DDI2: variants seen among roughly 807,000 people sequenced by gnomAD.
The protein encoded by DDI2 is protein DDI1 homolog 2.
In DDI2, 5 loss-of-function variants were observed where a neutral mutation model predicts 48.1. The ratio of observed to expected loss-of-function variants is 0.10; its 90% CI spans 0.05 to 0.22. The LOEUF (loss-of-function observed/expected upper bound fraction) is 0.22, where lower values mean the gene tolerates loss of function less well. Among genes scored for constraint, DDI2 ranks in the 10% least tolerant of loss-of-function variants. DDI2 has a pLI of 1.00. For synonymous variants in DDI2, 205 were observed against 183.6 expected (o/e 1.12, Z -0.94); for missense variants, 285 against 506.2 (o/e 0.56, Z 4.19).
chr1:15,648,972 C>G (rs1235299412), intron 6 of DDI2, among the ~76,000 whole-genome samples: 1 of 152,006 alleles, frequency 6.6e-6, no homozygotes, highest in Non-Finnish European at 1.5e-5. Context: ...GTGGCTCACT[C>G]TTGTAATCCC....
At chr1:15,626,015 A>T (rs538154362) in intron 1 of DDI2, among the ~76,000 whole-genome samples, 5 of 152,238 alleles carry the variant, frequency 3.3e-5, no homozygotes, top group Non-Finnish European at 5.9e-5. Flanking sequence ...AGATTATTTC[A>T]AAGTGCACAC....
At chr1:15,633,598 A>G in intron 4 of DDI2, 33 bp downstream of exon 4, 1 of 1,602,674 alleles carries the variant, frequency 6.2e-7, no homozygotes, top group Non-Finnish European at 8.5e-7. Context: ...AACAAAACTT[A>G]GAGACTCCAG....
At chr1:15,646,090 C>G (rs569494302) in intron 6 of DDI2, among the ~76,000 whole-genome samples, 12 of 152,308 alleles carry the variant, frequency 7.9e-5, no homozygotes, top group Non-Finnish European at 1.8e-4. Context: ...AAGAGTGCCT[C>G]TGTTTCACCC....
At chr1:15,658,130 C>G (rs567809197) in intron 9 of DDI2, among the ~76,000 whole-genome samples, 1 of 151,992 alleles carries the variant, frequency 6.6e-6, no homozygotes, top group Admixed American at 6.6e-5. Flanking sequence ...TGTTACTGAC[C>G]TTTTGATTTT....
At position 15,660,699 on chromosome 1, in the gene DDI2, A is replaced by G. The variant is rs1640356774; in HGVS notation, c.*909A>G. The G allele has an allele frequency of 6.2e-7, 1 of 1,614,038 alleles. No individual in the cohort carries two copies. Among genetic ancestry groups the G allele is most frequent in the African/African-American group, 1.3e-5 (1 of 74,952 alleles). ...ATGCCAATGTCAAGAACATTGGTGC[A>G]TTGGATCTCACTTTAGATAATCCCT... is the stretch of plus-strand genomic sequence containing the variant. On this transcript the variant is annotated 3_prime_UTR_variant, in exon 10 of 10. Coordinates refer to ENST00000480945, the MANE Select transcript of DDI2 (RefSeq NM_032341.5).
chr1:15,643,739 T>C, intron 6 of DDI2, 89 bp downstream of exon 6: 1 of 1,516,496 alleles, frequency 6.6e-7, no homozygotes, highest in Non-Finnish European at 8.9e-7. Context: ...GGGTCTTTTG[T>C]TGTTATTTTG....
At chr1:15,641,956 A>C (rs1350373339) in intron 5 of DDI2, among the ~76,000 whole-genome samples, 2 of 58,828 alleles carry the variant, frequency 3.4e-5, no homozygotes, top group Admixed American at 1.3e-4. Flanking sequence ...ATTCAGTCTC[A>C]AAAAAAAAAA....
At chr1:15,647,687 T>A (rs1001876871) in intron 6 of DDI2, among the ~76,000 whole-genome samples, 1 of 152,066 alleles carries the variant, frequency 6.6e-6, no homozygotes, top group African/African-American at 2.4e-5. Context: ...ATAAGGTGGG[T>A]GTGGTGGCTC....
chr1:15,634,917 C>T (rs1395236786), intron 4 of DDI2, among the ~76,000 whole-genome samples: 1 of 152,144 alleles, frequency 6.6e-6, no homozygotes, highest in Admixed American at 6.6e-5. Flanking sequence ...CAAGTGTGAA[C>T]ACCATGTCCT....
rs115681836 is a variant in DDI2, at chr1:15,661,864, A to T, written c.*2074A>T. The T allele has an allele frequency of 1.4e-3, 1,692 of 1,232,604 alleles. 21 individuals are homozygous for T. In the African/African-American group the frequency reaches 0.023, roughly 17 times the overall value. 76.4% of individuals were successfully genotyped at this position (1,232,604 alleles called of 1,614,324 possible). A position where few individuals can be genotyped will look rare whatever the true frequency, so the allele number is the denominator to read the frequency against. Reference sequence around the variant, plus strand: ...CAGAATGTTGAGCCAGATTTTTTTTAAAGATTTTTTTCGGCCAAAGTAATT... The same window carrying T: ...CAGAATGTTGAGCCAGATTTTTTTTTAAGATTTTTTTCGGCCAAAGTAATT... On this transcript the variant is annotated 3_prime_UTR_variant, in exon 10 of 10. Transcript: ENST00000480945.
chr1:15,638,567 C>G lies in DDI2; in HGVS notation c.760+133C>G. The G allele has an allele frequency of 7.0e-6, 7 of 1,007,026 alleles. No homozygotes were observed. The South Asian group carries it at 1.1e-4, about 16-fold the overall frequency. The allele number at this position is 1,007,026 out of a possible 1,614,324, so 62.4% of individuals were successfully genotyped here. On this transcript the variant is annotated intron_variant, in intron 5 of 9. Coordinates refer to ENST00000480945, the MANE Select transcript of DDI2 (RefSeq NM_032341.5). Reference sequence around the variant, plus strand: ...TTTTTTTTTTTGAGACAGAGTCTTGCTCTGTCACCCAGGCCAAAGTGCAGT... The same window carrying G: ...TTTTTTTTTTTGAGACAGAGTCTTGGTCTGTCACCCAGGCCAAAGTGCAGT...
intron 1 of DDI2, among the ~76,000 whole-genome samples, chr1:15,624,970 C>A (rs1489192696): frequency 6.6e-6 from 1 of 151,886 alleles, no homozygotes; most frequent in Non-Finnish European, 1.5e-5. Context: ...ATGCATAAAA[C>A]TTGTATAATT....
At chr1:15,627,130 G>C (rs557338319) in intron 2 of DDI2, 31 of 226,048 alleles carry the variant, frequency 1.4e-4, no homozygotes, top group South Asian at 5.7e-4. Context: ...GGAAGGACTT[G>C]AAAGAATACA....
intron 5 of DDI2, among the ~76,000 whole-genome samples, chr1:15,640,649 C>T (rs1467074089): frequency 6.6e-6 from 1 of 152,206 alleles, no homozygotes; most frequent in Non-Finnish European, 1.5e-5. Flanking sequence ...GGGCCCTTCT[C>T]ATCCTGGGTT....
chr1:15,620,699 T>G (rs1639645491), intron 1 of DDI2, among the ~76,000 whole-genome samples: 1 of 152,220 alleles, frequency 6.6e-6, no homozygotes, highest in South Asian at 2.1e-4. Context: ...TATAATACAT[T>G]ATATACATGA....
In DDI2 at chr1:15,617,757, C is replaced by T. The variant is rs1024192805; in HGVS notation, c.87C>T (p.Asn29=). The change falls in exon 1 of 10, where the codon AAC becomes AAT. Residue 29 remains asparagine, a synonymous_variant. Transcript: ENST00000480945. The stretch of plus-strand genomic sequence containing the variant: ...TCGACGCCGACTTCGAGCTGCACAA[C>T]TTCCGCGCGCTGTGCGAGCTCGAGT... ...LQVDADFELH[N]FRALCELESG... 1.6e-5 allele frequency: 25 copies of T among 1,610,160 alleles called. No individual in the cohort carries two copies. Among genetic ancestry groups the T allele is most frequent in the Non-Finnish European group, 2.1e-5 (25 of 1,178,992 alleles).
At position 15,656,662 on chromosome 1, in the gene DDI2, G is replaced by A. The variant is rs768809483; in HGVS notation, c.*29G>A. The A allele has an allele frequency of 2.5e-6, 4 of 1,614,146 alleles. No individual in the cohort carries two copies. The Middle Eastern group carries it at 4.9e-4, about 200-fold the overall frequency. ...ATGTAGTGTGTGTGTACTGCAGCTG[G>A]AGTGGGCCCCAGACCAGGTATTTAT... On this transcript the variant is annotated 3_prime_UTR_variant, in exon 9 of 10. Coordinates refer to ENST00000480945, the MANE Select transcript of DDI2 (RefSeq NM_032341.5).
In DDI2 at chr1:15,617,465, C is replaced by G; in HGVS notation, c.-206C>G. The G allele has an allele frequency of 3.0e-6, 1 of 333,958 alleles. No individual in the cohort carries two copies. The highest frequency in any genetic ancestry group is 5.0e-5 in the Admixed American group (1 of 19,926). 20.7% of individuals were successfully genotyped at this position (333,958 alleles called of 1,614,324 possible). On this transcript the variant is annotated 5_prime_UTR_variant, in exon 1 of 10. Coordinates refer to ENST00000480945, the MANE Select transcript of DDI2 (RefSeq NM_032341.5). ...GGAGGCAGGCCGGCAGGCAGACGGA[C>G]TCGCAGGCGTGTGGCGGCGGCCGTG...
intron 4 of DDI2, chr1:15,633,938 C>T (rs1263769777): frequency 2.4e-6 from 1 of 417,656 alleles, no homozygotes; most frequent in Non-Finnish European, 4.7e-6. Context: ...TTTCTTTAGA[C>T]ATATTGTATA....
Sources: gnomAD v4.1 joint callset for allele counts (sites outside exome capture counted in the v4.1 genomes callset) on GRCh38, gnomAD v4.1.1 for gene constraint, MANE v1.5 for transcripts, NCBI Gene and HGNC (gene_info 2026-07-23, HGNC 2026-07-21) for gene names.